Variants in XRN1 observed in about 807,000 individuals in gnomAD.
XRN1 encodes the protein strand-exchange protein 1 homolog.
Under a neutral mutation model 222.3 loss-of-function variants are expected in XRN1, and 67 were observed. That is an observed-to-expected ratio of 0.30 (90% CI 0.25 to 0.37). XRN1 has a LOEUF of 0.37. Ranked by LOEUF, XRN1 falls within the 10% of genes least tolerant of loss-of-function variation. XRN1 has a pLI of 1.00. For synonymous variants in XRN1, 643 were observed against 652.4 expected (o/e 0.99, Z 0.22); for missense variants, 1,707 against 2,000.2 (o/e 0.85, Z 2.80).
intron 2 of XRN1, among the ~76,000 whole-genome samples, chr3:142,430,068 C>G (rs1226891336): frequency 6.6e-6 from 1 of 152,116 alleles, no homozygotes; most frequent in Non-Finnish European, 1.5e-5. Flanking sequence ...ATTATTGGAT[C>G]ACAGATAAAG....
At chr3:142,372,549 T>A (rs1380201932) in intron 25 of XRN1, among the ~76,000 whole-genome samples, 1 of 152,180 alleles carries the variant, frequency 6.6e-6, no homozygotes, top group African/African-American at 2.4e-5. Flanking sequence ...AATGTCTGGG[T>A]TTCTATACCT....
intron 31 of XRN1, 32 bp from the exon 32 acceptor site, chr3:142,355,528 T>C (rs376216558): frequency 3.6e-4 from 474 of 1,316,596 alleles, no homozygotes; most frequent in Non-Finnish European, 4.2e-4. Context: ...CTTGAGAAAA[T>C]GAAATAGGAA....
intron 1 of XRN1, among the ~76,000 whole-genome samples, chr3:142,444,625 A>G (rs967075325): frequency 2.0e-5 from 3 of 152,182 alleles, no homozygotes; most frequent in Non-Finnish European, 2.9e-5. Context: ...AAAAAATAAA[A>G]AAAAAGAATG....
At chr3:142,430,882 C>T (rs752242963) in intron 2 of XRN1, among the ~76,000 whole-genome samples, 61 of 152,148 alleles carry the variant, frequency 4.0e-4, no homozygotes, top group Non-Finnish European at 7.1e-4. Flanking sequence ...TAGTGTGTAA[C>T]CTCTTCTCAT....
In XRN1 at chr3:142,426,741, T is replaced by C. The variant is rs1287322764; in HGVS notation, c.406+3A>G. ...GTCATAATTTGTCTCTCAGTGAATT[T>C]ACCTGGTGTGATACAGTTGGAATCA... On this transcript the variant is annotated splice_donor_region_variant and intron_variant, in intron 3 of 40. Coordinates refer to ENST00000392981, the MANE Select transcript of XRN1 (RefSeq NM_001282857.2). The C allele has an allele frequency of 6.2e-7, 1 of 1,609,146 alleles. No homozygotes were observed. The highest frequency in any genetic ancestry group is 8.5e-7 in the Non-Finnish European group (1 of 1,177,798).
intron 1 of XRN1, among the ~76,000 whole-genome samples, chr3:142,436,452 A>C (rs897607213): frequency 4.6e-5 from 7 of 152,222 alleles, no homozygotes; most frequent in African/African-American, 1.4e-4. Context: ...TAGGGTTTAT[A>C]CCCAATAGTT....
intron 8 of XRN1, among the ~76,000 whole-genome samples, chr3:142,421,796 TAATTA>T (rs2069046160): frequency 6.6e-6 from 1 of 152,166 alleles, no homozygotes; most frequent in African/African-American, 2.4e-5. Flanking sequence ...TGGTAACAAT[TAATTA>T]AATTAAATAT....
At chr3:142,386,310 G>T (rs1314864135) in intron 20 of XRN1, among the ~76,000 whole-genome samples, 1 of 151,968 alleles carries the variant, frequency 6.6e-6, no homozygotes, top group Non-Finnish European at 1.5e-5. Flanking sequence ...ATCCAATTAT[G>T]TATAAAAGGA....
chr3:142,368,138 T>C (rs959153021), intron 27 of XRN1, among the ~76,000 whole-genome samples: 3 of 151,268 alleles, frequency 2.0e-5, no homozygotes, highest in Admixed American at 6.6e-5. Context: ...TTTATAAACA[T>C]ATAAATTTAA....
chr3:142,414,322 G>C, intron 13 of XRN1, 31 bp from the exon 14 acceptor site: 1 of 1,487,990 alleles, frequency 6.7e-7, no homozygotes, highest in South Asian at 1.4e-5. Context: ...TTAAACAAGT[G>C]GCATCTTTAT....
chr3:142,312,883 T>C (rs2065114873), intron 39 of XRN1, 125 bp from the exon 40 acceptor site: 3 of 1,005,234 alleles, frequency 3.0e-6, no homozygotes, highest in Non-Finnish European at 4.4e-6. Flanking sequence ...GGCCTACACT[T>C]ACTTCACCTA....
At chr3:142,438,498 G>C (rs564098167) in intron 1 of XRN1, among the ~76,000 whole-genome samples, 2 of 152,178 alleles carry the variant, frequency 1.3e-5, no homozygotes, top group Non-Finnish European at 2.9e-5. Context: ...GGCCCTTACA[G>C]GACGCTCTAG....
At chr3:142,326,441 G>C (rs910570398) in intron 37 of XRN1, among the ~76,000 whole-genome samples, 3 of 151,840 alleles carry the variant, frequency 2.0e-5, no homozygotes, top group African/African-American at 7.2e-5. Flanking sequence ...TTAATTTCTT[G>C]GTTTCTTTTT....
intron 27 of XRN1, among the ~76,000 whole-genome samples, chr3:142,368,117 T>G (rs1487877311): frequency 6.6e-6 from 1 of 150,770 alleles, no homozygotes; most frequent in African/African-American, 2.4e-5. Flanking sequence ...TGTATTTATA[T>G]AAACATTTAA....
chr3:142,426,453 C>T (rs1360971370), intron 3 of XRN1: 1 of 279,538 alleles, frequency 3.6e-6, no homozygotes, highest in Non-Finnish European at 6.7e-6. Flanking sequence ...AGGAATAGGA[C>T]AGAAAGATAT....
intron 36 of XRN1, among the ~76,000 whole-genome samples, chr3:142,330,437 G>C (rs1560294189): frequency 6.6e-6 from 1 of 151,900 alleles, no homozygotes; most frequent in Non-Finnish European, 1.5e-5. Context: ...CTCACTAATA[G>C]AACAAAAGCA....
intron 32 of XRN1, among the ~76,000 whole-genome samples, chr3:142,348,686 T>C (rs2066219245): frequency 6.6e-6 from 1 of 152,214 alleles, no homozygotes; most frequent in South Asian, 2.1e-4. Context: ...ACACAACATG[T>C]CCTAACTGGT....
At chr3:142,332,869 C>A in intron 35 of XRN1, 98 bp downstream of exon 35, 2 of 1,490,250 alleles carry the variant, frequency 1.3e-6, no homozygotes, top group Non-Finnish European at 1.8e-6. Context: ...ACATACCAGC[C>A]TCCATGATGG....
intron 33 of XRN1, among the ~76,000 whole-genome samples, chr3:142,345,649 C>T (rs1030525399): frequency 8.6e-5 from 13 of 151,990 alleles, no homozygotes; most frequent in Admixed American, 3.9e-4. Context: ...TTGCAAATCA[C>T]ATATCCAAGA....
Sources: gnomAD v4.1 joint callset for allele counts (sites outside exome capture counted in the v4.1 genomes callset) on GRCh38, gnomAD v4.1.1 for gene constraint, MANE v1.5 for transcripts, NCBI Gene and HGNC (gene_info 2026-07-23, HGNC 2026-07-21) for gene names.